The following DAB1 variants were observed in gnomAD, a reference collection of about 807,000 sequenced individuals.
DAB1 encodes the protein DAB adaptor protein 1.
In DAB1, 15 loss-of-function variants were observed where a neutral mutation model predicts 64.6. The ratio of observed to expected loss-of-function variants is 0.23; its 90% confidence interval spans 0.16 to 0.36. The LOEUF (loss-of-function observed/expected upper bound fraction) is 0.36, where lower values mean the gene tolerates loss of function less well. DAB1 is among the 10% of genes least tolerant of loss of function. DAB1 has a pLI of 1.00. For synonymous variants in DAB1, 235 were observed against 251.9 expected (o/e 0.93, Z 0.64); for missense variants, 596 against 706.7 (o/e 0.84, Z 1.78).
intron 9 of DAB1, among the ~76,000 whole-genome samples, chr1:57,037,883 C>A (rs1325204294): frequency 6.6e-6 from 1 of 152,204 alleles, no homozygotes; most frequent in African/African-American, 2.4e-5. Context: ...GAGACCAGCC[C>A]TGTCCAATAG....
intron 7 of DAB1, among the ~76,000 whole-genome samples, chr1:57,595,678 T>G (rs1645500507): frequency 1.4e-5 from 2 of 147,966 alleles, no homozygotes. Context: ...GTGTTGGAGG[T>G]GGGGTCTGGT....
chr1:57,952,489 G>A (rs1645300637), intron 5 of DAB1, among the ~76,000 whole-genome samples: 1 of 152,102 alleles, frequency 6.6e-6, no homozygotes, highest in South Asian at 2.1e-4. Flanking sequence ...TGTAGGTGCA[G>A]GTGAAAATGA....
chr1:57,847,641 C>T (rs1289069316), intron 1 of DAB1, among the ~76,000 whole-genome samples: 2 of 151,964 alleles, frequency 1.3e-5, no homozygotes, highest in Admixed American at 1.3e-4. Flanking sequence ...AGGGTAAAAG[C>T]ATTATATGAG....
rs1476973029 is a variant in DAB1 at position 57,324,713 on chromosome 1, C to T, written c.-136-33547G>A. Among the ~76,000 whole-genome samples, 6 of 152,150 alleles carry T rather than the reference C, an allele frequency of 3.9e-5. No individual in the cohort carries two copies. In the East Asian group the frequency reaches 9.6e-4, roughly 24 times the overall value. On this transcript the variant is annotated intron_variant, in intron 1 of 14. Coordinates refer to ENST00000371236, the MANE Select transcript of DAB1 (RefSeq NM_001365792.1). The stretch of plus-strand genomic sequence containing the variant: ...TCACTAGCAGCCCCCACCCCACATC[C>T]GCTTTCTTTCTCAGCCTCTCAGCCC...
intron 5 of DAB1, among the ~76,000 whole-genome samples, chr1:58,139,666 T>C (rs959224961): frequency 6.6e-6 from 1 of 152,164 alleles, no homozygotes; most frequent in Admixed American, 6.5e-5. Flanking sequence ...AACCGTATCA[T>C]TTACCGAGCA....
chr1:57,816,441 A>T (rs1651858632), intron 6 of DAB1, among the ~76,000 whole-genome samples: 1 of 152,212 alleles, frequency 6.6e-6, no homozygotes, highest in African/African-American at 2.4e-5. Context: ...CATATGAATT[A>T]CAGCACACAG....
intron 7 of DAB1, among the ~76,000 whole-genome samples, chr1:57,540,788 C>T (rs866545754): frequency 3.3e-5 from 5 of 152,004 alleles, no homozygotes; most frequent in South Asian, 4.2e-4. Context: ...TAGAAAGTAG[C>T]GTGATAGTTA....
At chr1:57,019,481 G>A (rs1307461780) in intron 11 of DAB1, among the ~76,000 whole-genome samples, 1 of 152,148 alleles carries the variant, frequency 6.6e-6, no homozygotes, top group Non-Finnish European at 1.5e-5. Flanking sequence ...AAAGAAAAAA[G>A]GCAGCACAGG....
chr1:57,317,160 G>T (rs1046281618), intron 1 of DAB1, among the ~76,000 whole-genome samples: 17 of 152,144 alleles, frequency 1.1e-4, no homozygotes, highest in African/African-American at 4.1e-4. Flanking sequence ...CCGGCAAACA[G>T]CCTAAGAAGA....
At chr1:58,048,278 C>G in intron 5 of DAB1, 1 of 1,282,272 alleles carries the variant, frequency 7.8e-7, no homozygotes, top group Non-Finnish European at 1.1e-6. Context: ...GCCATAGGGG[C>G]CAGAGCTTCT....
intron 3 of DAB1, among the ~76,000 whole-genome samples, chr1:58,366,921 GGTCATAA>G (rs1644223149): frequency 6.6e-6 from 1 of 152,108 alleles, no homozygotes; most frequent in South Asian, 2.1e-4. Context: ...CACATTAATT[GGTCATAA>G]GACACAGATT....
intron 3 of DAB1, among the ~76,000 whole-genome samples, chr1:58,493,218 C>G (rs1351041474): frequency 2.6e-5 from 4 of 151,890 alleles, no homozygotes; most frequent in Admixed American, 1.3e-4. Flanking sequence ...ATTCAACAGC[C>G]CTTCATGCTA....
At chr1:58,267,882 T>A (rs1395054442) in intron 4 of DAB1, among the ~76,000 whole-genome samples, 2 of 152,166 alleles carry the variant, frequency 1.3e-5, no homozygotes, top group South Asian at 2.1e-4. Flanking sequence ...CTTCTCTATG[T>A]TTATATCCCC....
chr1:57,136,472 G>A, intron 4 of DAB1, 71 bp downstream of exon 4: 1 of 824,226 alleles, frequency 1.2e-6, no homozygotes, highest in Non-Finnish European at 1.8e-6. Context: ...CCTGCCCAGA[G>A]AGTAGAGGCT....
At chr1:57,195,890 CT>C (rs1305416526) in intron 2 of DAB1, among the ~76,000 whole-genome samples, 1 of 152,190 alleles carries the variant, frequency 6.6e-6, no homozygotes, top group Non-Finnish European at 1.5e-5. Context: ...GGCAGTGTGG[CT>C]TCAAATTTTC....
intron 1 of DAB1, among the ~76,000 whole-genome samples, chr1:57,356,413 C>A: frequency 6.6e-6 from 1 of 152,060 alleles, no homozygotes; most frequent in East Asian, 1.9e-4. Context: ...ACATATAGAG[C>A]AAGTCCTCAA....
chr1:57,187,736 C>T (rs374336619), intron 2 of DAB1, among the ~76,000 whole-genome samples: 91 of 152,208 alleles, frequency 6.0e-4, no homozygotes, highest in African/African-American at 2.0e-3. Context: ...TGTCATAAAT[C>T]GTGAAGCTGG....
At chr1:57,718,279 C>T (rs564280046) in intron 6 of DAB1, among the ~76,000 whole-genome samples, 13 of 151,896 alleles carry the variant, frequency 8.6e-5, no homozygotes, top group Non-Finnish European at 1.5e-4. Context: ...TAAATATGTA[C>T]AGTTATGTGA....
chr1:57,952,059 T>G (rs1008694750), intron 5 of DAB1, among the ~76,000 whole-genome samples: 1 of 152,156 alleles, frequency 6.6e-6, no homozygotes, highest in Admixed American at 6.5e-5. Context: ...ATGCACCTCC[T>G]ACTACATCCC....
Sources: allele counts gnomAD v4.1 joint callset (sites outside exome capture counted in the v4.1 genomes callset), GRCh38; gene constraint gnomAD v4.1.1; transcripts MANE v1.5; gene names NCBI Gene and HGNC (gene_info 2026-07-23, HGNC 2026-07-21).